OLA1: variants seen among roughly 807,000 people sequenced by gnomAD.
The protein encoded by OLA1 is Obg like ATPase 1, also known as obg-like ATPase 1.
In OLA1, 14 loss-of-function variants were observed where a neutral mutation model predicts 48.4. The ratio of observed to expected loss-of-function variants is 0.29; its 90% CI spans 0.19 to 0.45. OLA1 has a LOEUF of 0.45. Among genes scored for constraint, OLA1 ranks in the 20% least tolerant of loss-of-function variants. OLA1 has a pLI of 1.00. For missense variants in OLA1, 325 were observed against 467.1 expected (o/e 0.70, Z 2.80); for synonymous variants, 127 against 150.4 (o/e 0.84, Z 1.14).
chr2:174,140,446 C>T (rs1015625362), intron 5 of OLA1, among the ~76,000 whole-genome samples: 1 of 151,800 alleles, frequency 6.6e-6, no homozygotes, highest in African/African-American at 2.4e-5. Flanking sequence ...GGGCTCACTG[C>T]AGCCTCCACC....
chr2:174,082,360 C>T (rs1453600880), intron 7 of OLA1, among the ~76,000 whole-genome samples: 1 of 152,030 alleles, frequency 6.6e-6, no homozygotes, highest in African/African-American at 2.4e-5. Flanking sequence ...AACACCTGTA[C>T]CCTTGAATAA....
intron 4 of OLA1, among the ~76,000 whole-genome samples, chr2:174,156,760 T>C (rs1686894084): frequency 6.6e-6 from 1 of 151,846 alleles, no homozygotes; most frequent in Non-Finnish European, 1.5e-5. Context: ...GATTTTTGTA[T>C]TTTTAGTAGA....
intron 4 of OLA1, among the ~76,000 whole-genome samples, chr2:174,156,935 G>C (rs1686899195): frequency 6.6e-6 from 1 of 151,636 alleles, no homozygotes; most frequent in African/African-American, 2.4e-5. Context: ...AGATCTAATA[G>C]CTTGGAGAGA....
intron 7 of OLA1, among the ~76,000 whole-genome samples, chr2:174,112,703 G>A (rs750694095): frequency 1.7e-4 from 26 of 152,140 alleles, no homozygotes; most frequent in Non-Finnish European, 3.5e-4. Context: ...TTTGCTCTCT[G>A]TCTCCCACTT....
intron 5 of OLA1, among the ~76,000 whole-genome samples, chr2:174,124,539 C>T (rs1209565612): frequency 6.6e-6 from 1 of 152,114 alleles, no homozygotes; most frequent in Non-Finnish European, 1.5e-5. Context: ...CTAAAAGCTG[C>T]GTGTGGCAAG....
intron 7 of OLA1, among the ~76,000 whole-genome samples, chr2:174,111,518 A>G (rs1685649816): frequency 6.6e-6 from 1 of 152,226 alleles, no homozygotes; most frequent in South Asian, 2.1e-4. Context: ...TAAACACCCC[A>G]AAGTGCAGCA....
intron 2 of OLA1, among the ~76,000 whole-genome samples, chr2:174,233,802 T>C (rs1454123319): frequency 6.6e-6 from 1 of 152,084 alleles, no homozygotes. Flanking sequence ...AATAAAACAT[T>C]CAGAAACTGT....
chr2:174,139,632 C>T (rs575204233), intron 5 of OLA1, among the ~76,000 whole-genome samples: 6 of 152,206 alleles, frequency 3.9e-5, no homozygotes, highest in Non-Finnish European at 7.4e-5. Context: ...TTCGGGAGGC[C>T]GAGGTGGGTG....
intron 4 of OLA1, among the ~76,000 whole-genome samples, chr2:174,218,418 T>C (rs1025010859): frequency 2.0e-5 from 3 of 152,164 alleles, no homozygotes; most frequent in African/African-American, 7.2e-5. Flanking sequence ...TAATTCCTCA[T>C]GCAAATTCTG....
chr2:174,079,164 T>C, intron 9 of OLA1, 74 bp from the exon 10 acceptor site: 2 of 1,323,644 alleles, frequency 1.5e-6, no homozygotes, highest in South Asian at 1.5e-5. Flanking sequence ...TTCTTTTCTC[T>C]GATCTGCAGT....
intron 5 of OLA1, among the ~76,000 whole-genome samples, chr2:174,130,113 A>T (rs1416356605): frequency 6.6e-6 from 1 of 152,172 alleles, no homozygotes; most frequent in Non-Finnish European, 1.5e-5. Flanking sequence ...AAAAAATCAA[A>T]CTAAGCTTTC....
chr2:174,173,092 T>C (rs1397859066), intron 4 of OLA1, among the ~76,000 whole-genome samples: 1 of 152,146 alleles, frequency 6.6e-6, no homozygotes, highest in African/African-American at 2.4e-5. Flanking sequence ...CAAAATAAAC[T>C]TATTTTGTTT....
chr2:174,123,205 C>G lies in OLA1; in HGVS notation c.703G>C (p.Asp235His), dbSNP rs369870293. The G allele has an allele frequency of 6.4e-7, 1 of 1,561,016 alleles. No homozygotes were observed. The highest frequency in any genetic ancestry group is 2.3e-5 in the East Asian group (1 of 44,116). The change falls in exon 7 of 11, where the codon GAC (aspartate) becomes CAC (histidine). Residue 235 changes from aspartate to histidine, a missense_variant. Transcript: ENST00000284719. ...MVYLVNLSEK[D>H]YIRKKNKWLI... ...CATTTGTTTTTCTTTCTAATGTAGT[C>G]TTTTTCAGAAAGATTAACCAAGTAG...
At chr2:174,119,151 T>C (rs1479453558) in intron 7 of OLA1, among the ~76,000 whole-genome samples, 1 of 151,970 alleles carries the variant, frequency 6.6e-6, no homozygotes, top group East Asian at 1.9e-4. Context: ...CCCACTTCTT[T>C]CAGCCTTCCA....
intron 4 of OLA1, among the ~76,000 whole-genome samples, chr2:174,209,473 G>A (rs1688194520): frequency 6.6e-6 from 1 of 152,068 alleles, no homozygotes; most frequent in African/African-American, 2.4e-5. Context: ...CCTGGGCCGG[G>A]CTAGGTTTCC....
chr2:174,135,088 A>G (rs1319797204), intron 5 of OLA1, among the ~76,000 whole-genome samples: 1 of 145,452 alleles, frequency 6.9e-6, no homozygotes, highest in African/African-American at 2.5e-5. Flanking sequence ...TGAACCCGGG[A>G]GGTAGAGTTA....
In OLA1 at chr2:174,236,842, G is replaced by C. The variant is rs189942018; in HGVS notation, c.102-7391C>G. Among the ~76,000 whole-genome samples the C allele has an allele frequency of 1.9e-3, 284 of 152,198 alleles. 1 individual carries two copies. Among genetic ancestry groups the C allele is most frequent in the African/African-American group, 6.5e-3 (271 of 41,528 alleles). ...AATACATATAAAAGTGAAATAGGAC[G>C]CTTACCATGAGTGGAGCTTGCAGGC... On this transcript the variant is annotated intron_variant, in intron 2 of 10. Transcript: ENST00000284719.
chr2:174,175,196 A>G (rs373980796), intron 4 of OLA1, among the ~76,000 whole-genome samples: 12 of 152,056 alleles, frequency 7.9e-5, no homozygotes, highest in African/African-American at 2.9e-4. Context: ...AGCGCTGGGT[A>G]AAGATTTCTG....
chr2:174,092,584 C>T (rs1168937143), intron 7 of OLA1, among the ~76,000 whole-genome samples: 1 of 152,008 alleles, frequency 6.6e-6, no homozygotes, highest in Non-Finnish European at 1.5e-5. Flanking sequence ...ATCACCTGAG[C>T]CCAGGAGTTC....
Sources: gnomAD v4.1 joint callset for allele counts (sites outside exome capture counted in the v4.1 genomes callset) on GRCh38, gnomAD v4.1.1 for gene constraint, MANE v1.5 for transcripts, NCBI Gene and HGNC (gene_info 2026-07-23, HGNC 2026-07-21) for gene names.